NR6A1: variants seen among roughly 807,000 people sequenced by gnomAD.
NR6A1 encodes the protein retinoic acid receptor-related testis-associated receptor.
In NR6A1, 7 loss-of-function variants were observed where a neutral mutation model predicts 59.1. The observed-to-expected ratio is 0.12, with a 90% CI of 0.07 to 0.22. The LOEUF (loss-of-function observed/expected upper bound fraction) is 0.22, where lower values mean the gene tolerates loss of function less well. NR6A1 is among the 10% of genes least tolerant of loss of function. The pLI, the probability that NR6A1 is intolerant of heterozygous loss-of-function variation, is 1.00. For synonymous variants in NR6A1, 243 were observed against 236.1 expected (o/e 1.03, Z -0.27); for missense variants, 468 against 611.6 (o/e 0.77, Z 2.48).
intron 2 of NR6A1, among the ~76,000 whole-genome samples, chr9:124,586,225 A>G (rs1363331142): frequency 1.3e-5 from 2 of 152,218 alleles, no homozygotes; most frequent in African/African-American, 4.8e-5. Flanking sequence ...CCTTCTGGAA[A>G]GGATTCACTA....
At chr9:124,597,117 T>C (rs1233590972) in intron 2 of NR6A1, among the ~76,000 whole-genome samples, 1 of 152,194 alleles carries the variant, frequency 6.6e-6, no homozygotes, top group Non-Finnish European at 1.5e-5. Context: ...AGGGCTTTTC[T>C]AACCAACAGA....
intron 2 of NR6A1, among the ~76,000 whole-genome samples, chr9:124,680,436 G>A (rs1042014031): frequency 2.6e-5 from 4 of 152,146 alleles, no homozygotes; most frequent in Non-Finnish European, 4.4e-5. Flanking sequence ...AGAGGGATCA[G>A]TGAGACTCAG....
intron 2 of NR6A1, among the ~76,000 whole-genome samples, chr9:124,725,287 T>C (rs905246406): frequency 2.0e-5 from 3 of 152,070 alleles, no homozygotes. Flanking sequence ...TGCCATAACA[T>C]TGGACTCCAG....
intron 2 of NR6A1, among the ~76,000 whole-genome samples, chr9:124,663,953 T>C (rs934891895): frequency 3.9e-5 from 6 of 152,210 alleles, no homozygotes; most frequent in African/African-American, 1.4e-4. Flanking sequence ...AGAATTAATA[T>C]TTCCTAGAGA....
intron 2 of NR6A1, among the ~76,000 whole-genome samples, chr9:124,730,949 G>A (rs901708969): frequency 6.6e-6 from 1 of 152,180 alleles, no homozygotes; most frequent in Non-Finnish European, 1.5e-5. Flanking sequence ...AGAGAACTGG[G>A]TGTGGAGCAG....
intron 2 of NR6A1, chr9:124,595,672 C>T (rs1835251776): frequency 1.5e-6 from 1 of 667,254 alleles, no homozygotes; most frequent in South Asian, 1.5e-5. Context: ...TGCCTCCCTT[C>T]TCCCTCAAGG....
chr9:124,671,770 C>G (rs1424851728), intron 2 of NR6A1, among the ~76,000 whole-genome samples: 1 of 152,106 alleles, frequency 6.6e-6, no homozygotes, highest in African/African-American at 2.4e-5. Context: ...TATGTTTTAC[C>G]TCAAACTTTT....
chr9:124,578,853 T>C (rs992678886), intron 2 of NR6A1, among the ~76,000 whole-genome samples: 3 of 152,200 alleles, frequency 2.0e-5, no homozygotes, highest in East Asian at 3.8e-4. Flanking sequence ...CCACTCACTA[T>C]GCCACATACT....
In NR6A1 at chr9:124,745,715, G is replaced by A. The variant is rs141241192; in HGVS notation, c.101-12366C>T. On this transcript the variant is annotated intron_variant, in intron 1 of 9. Coordinates refer to ENST00000487099, the MANE Select transcript of NR6A1 (RefSeq NM_033334.4). ...TCCTAAGAACAGGCCGGGTGCGGTGGCTCACATCTGTAATCCTAGCTTTGG... is the reference window on the plus strand; with the variant it reads ...TCCTAAGAACAGGCCGGGTGCGGTGACTCACATCTGTAATCCTAGCTTTGG... Among the ~76,000 whole-genome samples, 466 of 144,286 alleles carry A rather than the reference G, an allele frequency of 3.2e-3. 3 individuals carry two copies. The highest frequency in any genetic ancestry group is 0.021 in the Admixed American group (295 of 14,154). The allele number at this position is 144,286 out of a possible 152,430, so 94.7% of individuals were successfully genotyped here. A position where few individuals can be genotyped will look rare whatever the true frequency, so the allele number is the denominator to read the frequency against.
chr9:124,746,586 T>TA (rs1346041895), intron 1 of NR6A1, among the ~76,000 whole-genome samples: 2 of 150,900 alleles, frequency 1.3e-5, no homozygotes, highest in East Asian at 3.9e-4. Flanking sequence ...AGACTCCGTC[T>TA]AAAAAAAGGA....
At chr9:124,540,404 T>C (rs1833409898) in intron 4 of NR6A1, among the ~76,000 whole-genome samples, 1 of 152,190 alleles carries the variant, frequency 6.6e-6, no homozygotes, top group Admixed American at 6.5e-5. Flanking sequence ...TCATTTACAC[T>C]ACTCTCAAGC....
chr9:124,518,982 T>A lies in NR6A1; in HGVS notation c.*3723A>T, dbSNP rs955814480. 1.8e-4 allele frequency: 27 copies of A among 152,150 alleles called. No homozygotes were observed. The highest frequency in any genetic ancestry group is 5.1e-4 in the African/African-American group (21 of 41,422). 9.4% of individuals were successfully genotyped at this position (152,150 alleles called of 1,614,324 possible). A position where few individuals can be genotyped will look rare whatever the true frequency, so the allele number is the denominator to read the frequency against. On this transcript the variant is annotated 3_prime_UTR_variant, in exon 10 of 10. Coordinates refer to ENST00000487099, the MANE Select transcript of NR6A1 (RefSeq NM_033334.4). ...AATTCGACCAACCTTGGACATGGCTTAGATGCTGCCCACAGTGGGTTTGTC... is the reference window on the plus strand; with the variant it reads ...AATTCGACCAACCTTGGACATGGCTAAGATGCTGCCCACAGTGGGTTTGTC...
intron 2 of NR6A1, among the ~76,000 whole-genome samples, chr9:124,679,522 C>T (rs1030710940): frequency 3.3e-5 from 5 of 152,148 alleles, no homozygotes; most frequent in African/African-American, 1.2e-4. Context: ...TACTATTTAA[C>T]AATGACACAA....
chr9:124,602,231 C>T (rs1835470248), intron 2 of NR6A1, among the ~76,000 whole-genome samples: 1 of 152,208 alleles, frequency 6.6e-6, no homozygotes, highest in African/African-American at 2.4e-5. Flanking sequence ...ATAAATAAGT[C>T]CTTTTTGAAT....
chr9:124,591,731 CATCT>C (rs1403450603), intron 2 of NR6A1, among the ~76,000 whole-genome samples: 1 of 152,130 alleles, frequency 6.6e-6, no homozygotes, highest in Non-Finnish European at 1.5e-5. Context: ...ATGACCTTTA[CATCT>C]ATCAGGCTTT....
rs141449233 is a variant in NR6A1 at position 124,664,123 on chromosome 9, AT to A, written c.142+69184del. Among the ~76,000 whole-genome samples, 355 of 152,298 alleles carry A rather than the reference AT, an allele frequency of 2.3e-3. 1 individual carries two copies. Among genetic ancestry groups the A allele is most frequent in the African/African-American group, 8.1e-3 (336 of 41,564 alleles). On this transcript the variant is annotated intron_variant, in intron 2 of 9. Transcript: ENST00000487099. ...TTAAGAAGGAATTCCTGGGCAAGGT[AT>A]TTTCCTACTACATCTGTGGATTCAT...
At chr9:124,554,665 CACT>C in intron 2 of NR6A1, 95 bp from the exon 3 acceptor site, 2 of 1,511,762 alleles carry the variant, frequency 1.3e-6, no homozygotes, top group Non-Finnish European at 1.8e-6. Context: ...TTAAGACCAC[CACT>C]ATCTCCAGGC....
At chr9:124,740,050 C>A (rs1196505047) in intron 1 of NR6A1, among the ~76,000 whole-genome samples, 4 of 152,190 alleles carry the variant, frequency 2.6e-5, no homozygotes, top group Admixed American at 6.5e-5. Context: ...TCATGATTTG[C>A]CAACCACTTT....
intron 1 of NR6A1, 69 bp from the exon 2 acceptor site, chr9:124,733,418 G>T: frequency 8.6e-7 from 1 of 1,164,950 alleles, no homozygotes; most frequent in Non-Finnish European, 1.3e-6. Context: ...CAAATATGAA[G>T]TATCATACAG....
Sources: allele counts gnomAD v4.1 joint callset (sites outside exome capture counted in the v4.1 genomes callset), GRCh38; gene constraint gnomAD v4.1.1; transcripts MANE v1.5; gene names NCBI Gene and HGNC (gene_info 2026-07-23, HGNC 2026-07-21).